Variants in IQSEC1 observed in about 807,000 individuals in gnomAD.
IQSEC1 encodes IQ motif and Sec7 domain ArfGEF 1.
IQSEC1 carries 31 observed loss-of-function variants against 91.0 expected under a neutral mutation model. The observed-to-expected ratio is 0.34, with a 90% CI of 0.26 to 0.46. The LOEUF (loss-of-function observed/expected upper bound fraction) is 0.46, where lower values mean the gene tolerates loss of function less well. Ranked by LOEUF, IQSEC1 falls within the 20% of genes least tolerant of loss-of-function variation. The probability of loss-of-function intolerance (pLI) is 1.00; values close to 1 mark genes in which losing one functional copy is unlikely to be tolerated. For missense variants in IQSEC1, 1,388 were observed against 1,575.6 expected (o/e 0.88, Z 2.02); for synonymous variants, 699 against 662.6 (o/e 1.05, Z -0.84).
At chr3:13,154,610 G>A (rs1402575402) in intron 2 of IQSEC1, among the ~76,000 whole-genome samples, 2 of 150,226 alleles carry the variant, frequency 1.3e-5, no homozygotes, top group Non-Finnish European at 3.0e-5. Flanking sequence ...AAGCAGAATT[G>A]AGTACTTGAG....
intron 1 of IQSEC1, among the ~76,000 whole-genome samples, chr3:13,030,767 C>G (rs1451375011): frequency 3.3e-5 from 5 of 152,188 alleles, no homozygotes; most frequent in South Asian, 2.1e-4. Context: ...TTTTGGAGAC[C>G]CTTTGGGAGA....
Position 12,900,470 on chromosome 3 carries a change from T to A in IQSEC1, c.*513A>T, listed in dbSNP as rs1694133223. 12 of 676,530 alleles carry A rather than the reference T, an allele frequency of 1.8e-5. No individual in the cohort carries two copies. The Admixed American group carries it at 5.2e-4, about 29-fold the overall frequency. The allele number at this position is 676,530 out of a possible 1,614,324, so 41.9% of individuals were successfully genotyped here. ...TATACAGTATATATATATATATATT[T>A]ATATATTTATATATTTATATAAAGT... On this transcript the variant is annotated 3_prime_UTR_variant, in exon 14 of 14. Transcript: ENST00000613206.
intron 1 of IQSEC1, among the ~76,000 whole-genome samples, chr3:13,258,728 A>G (rs757461351): frequency 1.3e-5 from 2 of 152,208 alleles, no homozygotes; most frequent in African/African-American, 2.4e-5. Context: ...AAATAAATCT[A>G]GAACCCAGAG....
chr3:12,923,502 T>C (rs1336871587), intron 4 of IQSEC1, among the ~76,000 whole-genome samples: 3 of 152,178 alleles, frequency 2.0e-5, no homozygotes, highest in African/African-American at 4.8e-5. Flanking sequence ...GGCACAGATA[T>C]TCTGCTGGTG....
chr3:13,031,197 C>A (rs909234623), intron 1 of IQSEC1, among the ~76,000 whole-genome samples: 1 of 152,250 alleles, frequency 6.6e-6, no homozygotes, highest in Non-Finnish European at 1.5e-5. Context: ...CTTACCTGGA[C>A]CCACCTTTCT....
rs536468492 is a variant in IQSEC1 at position 13,243,009 on chromosome 3, C to T, written c.272+39702G>A. Reference sequence around the variant, plus strand: ...TTGATTGGAGAACTTGAGAGGGTTCCGCCAACCTACAGGGTTGACTCCTTC... The same window carrying T: ...TTGATTGGAGAACTTGAGAGGGTTCTGCCAACCTACAGGGTTGACTCCTTC... On this transcript the variant is annotated intron_variant, in intron 1 of 15. Transcript: ENST00000648114. Among the ~76,000 whole-genome samples, 6 of 152,242 alleles carry T rather than the reference C, an allele frequency of 3.9e-5. No individual in the cohort carries two copies. The East Asian group carries it at 5.8e-4, about 15-fold the overall frequency.
chr3:13,137,989 T>C (rs888854252), intron 2 of IQSEC1, among the ~76,000 whole-genome samples: 1 of 152,188 alleles, frequency 6.6e-6, no homozygotes, highest in Non-Finnish European at 1.5e-5. Context: ...GTTCTAACAA[T>C]GTGTCACAGT....
intron 8 of IQSEC1, among the ~76,000 whole-genome samples, chr3:12,913,847 A>G (rs755885310): frequency 2.6e-5 from 4 of 152,300 alleles, no homozygotes; most frequent in South Asian, 2.1e-4. Flanking sequence ...TTGGGCAGGT[A>G]CCAGGCTTCT....
chr3:12,921,974 G>T, intron 5 of IQSEC1, 146 bp downstream of exon 5: 1 of 979,846 alleles, frequency 1.0e-6, no homozygotes. Flanking sequence ...GGAGGAGCCA[G>T]TACGATCACC....
chr3:12,908,548 C>G lies in IQSEC1; in HGVS notation c.2579-23G>C. 6.2e-7 allele frequency: 1 copy of G among 1,613,070 alleles called. No individual in the cohort carries two copies. Among genetic ancestry groups the G allele is most frequent in the Non-Finnish European group, 8.5e-7 (1 of 1,179,904 alleles). ...CCGCTGGAACAGAGAGGGTGAGGGT[C>G]CTGGTGAGAGGAGCACAGCCTAGAG... On this transcript the variant is annotated intron_variant, in intron 11 of 13. Transcript: ENST00000613206. This position sits in a 1 kb window ranked among gnomAD's most constrained non-coding sequence, Gnocchi z 4.9.
At chr3:13,158,865 G>T (rs1191850527) in intron 2 of IQSEC1, among the ~76,000 whole-genome samples, 1 of 152,144 alleles carries the variant, frequency 6.6e-6, no homozygotes, top group Non-Finnish European at 1.5e-5. Context: ...AGGAGGCTGA[G>T]GCACGAGAAT....
chr3:13,124,011 C>T (rs750135864), intron 2 of IQSEC1, among the ~76,000 whole-genome samples: 3 of 152,238 alleles, frequency 2.0e-5, no homozygotes, highest in African/African-American at 7.2e-5. Context: ...AGAACAACAG[C>T]GGCCAAGGGA....
At chr3:13,093,578 C>T (rs750342511) in intron 2 of IQSEC1, among the ~76,000 whole-genome samples, 1 of 152,148 alleles carries the variant, frequency 6.6e-6, no homozygotes, top group Non-Finnish European at 1.5e-5. Context: ...GGGGATGCCA[C>T]GAGGGAGGAG....
At chr3:13,166,519 CA>C (rs1693499365) in intron 1 of IQSEC1, among the ~76,000 whole-genome samples, 1 of 152,208 alleles carries the variant, frequency 6.6e-6, no homozygotes, top group African/African-American at 2.4e-5. Context: ...TACTGGCTTC[CA>C]GGTGGCCTCA....
chr3:13,147,950 T>C (rs1431205920), intron 2 of IQSEC1, among the ~76,000 whole-genome samples: 1 of 152,244 alleles, frequency 6.6e-6, no homozygotes, highest in Admixed American at 6.5e-5. Flanking sequence ...GTCTTTTTGA[T>C]ATAGTGACTT....
At chr3:12,973,332 A>C (rs571197083) in intron 1 of IQSEC1, among the ~76,000 whole-genome samples, 38 of 152,240 alleles carry the variant, frequency 2.5e-4, no homozygotes, top group African/African-American at 9.1e-4. Context: ...TTGTTGCTTC[A>C]TTTGATTGGC....
At chr3:12,928,182 C>G (rs1208136451) in intron 3 of IQSEC1, among the ~76,000 whole-genome samples, 2 of 144,402 alleles carry the variant, frequency 1.4e-5, no homozygotes, top group Admixed American at 1.4e-4. Flanking sequence ...GTTGAGGACA[C>G]AGTCTGAGGG....
chr3:13,192,921 C>T (rs1230424339), intron 1 of IQSEC1, among the ~76,000 whole-genome samples: 1 of 152,226 alleles, frequency 6.6e-6, no homozygotes, highest in Admixed American at 6.5e-5. Flanking sequence ...CAACACCTCC[C>T]CTGAGGCCTG....
chr3:13,176,849 G>A (rs963990636), intron 1 of IQSEC1, among the ~76,000 whole-genome samples: 5 of 152,216 alleles, frequency 3.3e-5, no homozygotes, highest in Admixed American at 6.5e-5. Flanking sequence ...GTACAGATAG[G>A]GAAATCTGTT....
Sources: gnomAD v4.1 joint callset for allele counts (sites outside exome capture counted in the v4.1 genomes callset) on GRCh38, gnomAD v4.1.1 for gene constraint, Gnocchi (gnomAD v3.1) non-coding constraint, MANE v1.5 for transcripts, NCBI Gene and HGNC (gene_info 2026-07-23, HGNC 2026-07-21) for gene names.